RBPMS2: variants seen among roughly 807,000 people sequenced by gnomAD.
RBPMS2 encodes RNA binding protein, mRNA processing factor 2.
Under a neutral mutation model 25.7 loss-of-function variants are expected in RBPMS2, and 14 were observed. That is an observed-to-expected ratio of 0.55 (90% CI 0.36 to 0.85). The LOEUF (loss-of-function observed/expected upper bound fraction) is 0.85, where lower values mean the gene tolerates loss of function less well. Among genes scored for constraint, RBPMS2 ranks in the 40% least tolerant of loss-of-function variants. RBPMS2 has a pLI of 0.01. For missense variants in RBPMS2, 252 were observed against 283.4 expected (o/e 0.89, Z 0.80); for synonymous variants, 127 against 115.6 (o/e 1.10, Z -0.63).
intron 7 of RBPMS2, 61 bp from the exon 8 acceptor site, chr15:64,741,061 C>T: frequency 1.3e-6 from 1 of 777,246 alleles, no homozygotes. Flanking sequence ...AAAGCCAGGC[C>T]TGCTCTGGGC....
chr15:64,746,115 T>TA (rs1440508163), intron 6 of RBPMS2, among the ~76,000 whole-genome samples: 1 of 152,296 alleles, frequency 6.6e-6, no homozygotes, highest in East Asian at 1.9e-4. Flanking sequence ...AAAATGTTCT[T>TA]AGTCGGGAAA....
chr15:64,756,110 G>A (rs7403071), intron 1 of RBPMS2, among the ~76,000 whole-genome samples: 113,250 of 151,980 alleles, frequency 0.75, 45,759 homozygotes, highest in East Asian at 0.96. Flanking sequence ...TGTCCCTAGA[G>A]TCAGGTCTAA....
intron 1 of RBPMS2, among the ~76,000 whole-genome samples, chr15:64,770,917 G>A (rs1399744009): frequency 6.6e-6 from 1 of 152,126 alleles, no homozygotes; most frequent in African/African-American, 2.4e-5. Context: ...CACATGATGG[G>A]CTCTAGGATA....
At chr15:64,760,355 A>G (rs1325182640) in intron 1 of RBPMS2, among the ~76,000 whole-genome samples, 1 of 152,160 alleles carries the variant, frequency 6.6e-6, no homozygotes, top group African/African-American at 2.4e-5. Context: ...GAGGGATCCA[A>G]CTCTAAACTT....
chr15:64,766,499 T>C (rs2083847335), intron 1 of RBPMS2, among the ~76,000 whole-genome samples: 1 of 151,258 alleles, frequency 6.6e-6, no homozygotes, highest in East Asian at 1.9e-4. Context: ...TGAAGCCTCA[T>C]AGGCTGCCCA....
At chr15:64,741,408 G>A (rs2083561432) in intron 6 of RBPMS2, among the ~76,000 whole-genome samples, 166 bp from the exon 7 acceptor site, 2 of 152,178 alleles carry the variant, frequency 1.3e-5, no homozygotes, top group Admixed American at 1.3e-4. Context: ...TCTCTATCCG[G>A]CAAGTGGGAG....
intron 1 of RBPMS2, among the ~76,000 whole-genome samples, chr15:64,759,671 T>C (rs1375470493): frequency 6.6e-6 from 1 of 152,124 alleles, no homozygotes; most frequent in African/African-American, 2.4e-5. Context: ...TTTTCTTTTT[T>C]TAATTATTTT....
intron 1 of RBPMS2, among the ~76,000 whole-genome samples, chr15:64,769,203 C>T (rs2083873671): frequency 6.7e-6 from 1 of 149,554 alleles, no homozygotes; most frequent in Non-Finnish European, 1.5e-5. Flanking sequence ...TGGCTCACAT[C>T]TGCAATCCCA....
chr15:64,743,035 A>G (rs2083577761), intron 6 of RBPMS2, among the ~76,000 whole-genome samples: 1 of 152,238 alleles, frequency 6.6e-6, no homozygotes, highest in South Asian at 2.1e-4. Flanking sequence ...CGAGGAAACG[A>G]GCAATGCTGC....
chr15:64,758,880 C>G (rs967057595), intron 1 of RBPMS2, among the ~76,000 whole-genome samples: 1 of 151,946 alleles, frequency 6.6e-6, no homozygotes, highest in Non-Finnish European at 1.5e-5. Context: ...AGCTCTCTCC[C>G]GCCAGCCAGT....
intron 6 of RBPMS2, among the ~76,000 whole-genome samples, chr15:64,745,543 G>A (rs970606419): frequency 1.3e-5 from 2 of 152,276 alleles, no homozygotes; most frequent in East Asian, 1.9e-4. Flanking sequence ...TGGAAGACCC[G>A]CATATCCTCA....
intron 6 of RBPMS2, among the ~76,000 whole-genome samples, chr15:64,745,376 T>TCATATACTA (rs1199645384): frequency 6.6e-6 from 1 of 152,200 alleles, no homozygotes; most frequent in Non-Finnish European, 1.5e-5. Flanking sequence ...TAGGTAGATT[T>TCATATACTA]CATATACTAA....
intron 1 of RBPMS2, among the ~76,000 whole-genome samples, chr15:64,760,675 C>A (rs979618921): frequency 6.6e-6 from 1 of 152,052 alleles, no homozygotes; most frequent in Admixed American, 6.6e-5. Context: ...GTAGCGCACG[C>A]CTGTAATCCC....
At chr15:64,755,793 G>A (rs1017954775) in intron 1 of RBPMS2, among the ~76,000 whole-genome samples, 1 of 152,136 alleles carries the variant, frequency 6.6e-6, no homozygotes, top group Non-Finnish European at 1.5e-5. Flanking sequence ...GGAACAAGAG[G>A]TTCCAAAGCC....
intron 1 of RBPMS2, among the ~76,000 whole-genome samples, chr15:64,755,167 T>A (rs2083721909): frequency 6.6e-6 from 1 of 152,074 alleles, no homozygotes; most frequent in South Asian, 2.1e-4. Context: ...TGTTTCCTTA[T>A]CCTGGCTCAA....
At chr15:64,749,191 G>A (rs781666962) in intron 4 of RBPMS2, 41 bp from the exon 5 acceptor site, 2 of 1,606,984 alleles carry the variant, frequency 1.2e-6, no homozygotes, top group Non-Finnish European at 8.5e-7. Flanking sequence ...TTACTCCGGG[G>A]GACCCAGAGT....
chr15:64,742,056 C>T (rs963461372), intron 6 of RBPMS2, among the ~76,000 whole-genome samples: 2 of 55,200 alleles, frequency 3.6e-5, no homozygotes, highest in East Asian at 1.3e-3. Context: ...CCCAGCTACT[C>T]GGGAGGCTGA....
chr15:64,754,169 A>G (rs2083709883), intron 1 of RBPMS2, among the ~76,000 whole-genome samples: 1 of 152,014 alleles, frequency 6.6e-6, no homozygotes, highest in Non-Finnish European at 1.5e-5. Flanking sequence ...AAAATTAGCC[A>G]GGTGTGGTGG....
intron 1 of RBPMS2, among the ~76,000 whole-genome samples, chr15:64,765,094 G>A (rs553350560): frequency 6.6e-6 from 1 of 151,876 alleles, no homozygotes; most frequent in East Asian, 1.9e-4. Context: ...GGGCATGGTG[G>A]CGTGCGCCTG....
Sources: gnomAD v4.1 joint callset for allele counts (sites outside exome capture counted in the v4.1 genomes callset) on GRCh38, gnomAD v4.1.1 for gene constraint, MANE v1.5 for transcripts, NCBI Gene and HGNC (gene_info 2026-07-23, HGNC 2026-07-21) for gene names.